EYS: variants seen among roughly 807,000 people sequenced by gnomAD.
The protein encoded by EYS is protein eyes shut homolog.
A neutral mutation model predicts 282.1 loss-of-function variants in EYS; 250 were observed. The ratio of observed to expected loss-of-function variants is 0.89; its 90% confidence interval spans 0.80 to 0.98. EYS has a LOEUF of 0.98. Ranked by LOEUF, EYS falls within the 50% of genes least tolerant of loss-of-function variation. EYS has a pLI of 0.00. For missense variants in EYS, 4,016 were observed against 3,709.0 expected (o/e 1.08, Z -2.15); for synonymous variants, 1,355 against 1,282.9 (o/e 1.06, Z -1.20).
At position 65,278,180 on chromosome 6, in the gene EYS, T is replaced by C. The variant is rs530559996; in HGVS notation, c.2023+17683A>G. 5.0e-4 allele frequency among the ~76,000 whole-genome samples: 75 copies of C among 149,278 alleles called. 2 individuals carry two copies. In the South Asian group the frequency reaches 0.015, roughly 29 times the overall value. On this transcript the variant is annotated intron_variant, in intron 12 of 42. Coordinates refer to ENST00000503581, the MANE Select transcript of EYS (RefSeq NM_001142800.2). ...TCAGGCCTTTGGACTGGGAGTGTTA[T>C]GGCATTGGCTCTTCTGGTGTAGACT...
chr6:65,602,224 C>CAA (rs1268294261), intron 2 of EYS, among the ~76,000 whole-genome samples: 3 of 151,752 alleles, frequency 2.0e-5, no homozygotes, highest in Non-Finnish European at 2.9e-5. Context: ...AAGATGTACA[C>CAA]AAAAGTATGT....
chr6:65,073,287 A>T (rs1393076223), intron 12 of EYS, among the ~76,000 whole-genome samples: 1 of 151,834 alleles, frequency 6.6e-6, no homozygotes, highest in Non-Finnish European at 1.5e-5. Flanking sequence ...AACTGTGAGA[A>T]AAATAGAAAA....
chr6:63,728,367 TA>T (rs1768695162), intron 41 of EYS, among the ~76,000 whole-genome samples: 1 of 152,216 alleles, frequency 6.6e-6, no homozygotes. Flanking sequence ...GATATTAGCA[TA>T]TTTTGCCTAT....
At chr6:65,236,394 G>A (rs62407258) in intron 12 of EYS, among the ~76,000 whole-genome samples, 36,320 of 151,988 alleles carry the variant, frequency 0.24, 4,512 homozygotes, top group Middle Eastern at 0.28. Context: ...GGTGGATCAC[G>A]AGGTCAGGAG....
chr6:65,410,285 A>G (rs751590956), intron 5 of EYS, among the ~76,000 whole-genome samples: 1 of 152,048 alleles, frequency 6.6e-6, no homozygotes, highest in Non-Finnish European at 1.5e-5. Flanking sequence ...GTAATGGTAC[A>G]TATTTATTGA....
At chr6:65,282,474 T>C (rs1013512494) in intron 12 of EYS, among the ~76,000 whole-genome samples, 1 of 151,982 alleles carries the variant, frequency 6.6e-6, no homozygotes, top group Non-Finnish European at 1.5e-5. Context: ...TAGTAATAGT[T>C]TTAAAAGTAA....
chr6:64,153,227 C>T (rs751975106), intron 31 of EYS, among the ~76,000 whole-genome samples: 1 of 151,828 alleles, frequency 6.6e-6, no homozygotes, highest in East Asian at 1.9e-4. Flanking sequence ...TGTGCATAGT[C>T]GCACATAAAC....
intron 31 of EYS, among the ~76,000 whole-genome samples, chr6:64,117,364 C>T (rs952001938): frequency 7.0e-6 from 1 of 142,678 alleles, no homozygotes; most frequent in African/African-American, 2.6e-5. Flanking sequence ...ATAACAAAGA[C>T]CAGAGCAGAA....
intron 5 of EYS, among the ~76,000 whole-genome samples, chr6:65,475,516 A>G (rs1469808941): frequency 6.6e-6 from 1 of 152,142 alleles, no homozygotes; most frequent in Non-Finnish European, 1.5e-5. Context: ...ATTTGAAAAT[A>G]ATTTTATATT....
intron 33 of EYS, among the ~76,000 whole-genome samples, chr6:64,016,475 G>C (rs1768895592): frequency 6.7e-6 from 1 of 148,286 alleles, no homozygotes. Context: ...TGGCTGCTGT[G>C]TCATACCTTT....
chr6:65,123,758 C>CCCCA lies in EYS; in HGVS notation c.2024-66032_2024-66031insTGGG, dbSNP rs1554157088. 1.2e-3 allele frequency among the ~76,000 whole-genome samples: 182 copies of CCCCA among 147,096 alleles called. 4 individuals carry two copies. Among genetic ancestry groups the CCCCA allele is most frequent in the African/African-American group, 4.1e-3 (164 of 40,128 alleles). On this transcript the variant is annotated intron_variant, in intron 12 of 42. Transcript: ENST00000503581. ...CAGCTGACTTATAACACCCACCCAC[C>CCCCA]CACACACACACACACACACACACAC...
At chr6:63,800,428 G>C (rs1770755370) in intron 37 of EYS, among the ~76,000 whole-genome samples, 1 of 152,204 alleles carries the variant, frequency 6.6e-6, no homozygotes, top group Admixed American at 6.5e-5. Flanking sequence ...AGTGGTTCTG[G>C]TTTGCAAGAT....
intron 29 of EYS, among the ~76,000 whole-genome samples, chr6:64,337,706 C>A (rs543090927): frequency 6.6e-6 from 1 of 151,796 alleles, no homozygotes; most frequent in Non-Finnish European, 1.5e-5. Flanking sequence ...ATATCCCTGA[C>A]GAATACAGAT....
intron 35 of EYS, among the ~76,000 whole-genome samples, chr6:63,935,465 A>T (rs1765031495): frequency 6.6e-6 from 1 of 152,224 alleles, no homozygotes; most frequent in African/African-American, 2.4e-5. Context: ...TACAGAGGTG[A>T]TTAAGTTAAA....
chr6:65,570,657 C>G (rs1017587344), intron 2 of EYS, among the ~76,000 whole-genome samples: 23 of 151,990 alleles, frequency 1.5e-4, no homozygotes, highest in African/African-American at 5.3e-4. Context: ...CAAAAAATAG[C>G]CAATAACTTT....
intron 22 of EYS, among the ~76,000 whole-genome samples, chr6:64,706,623 A>C (rs1005690945): frequency 6.6e-6 from 1 of 152,140 alleles, no homozygotes; most frequent in African/African-American, 2.4e-5. Flanking sequence ...AAGAAAAAAA[A>C]CAAACAATTC....
At chr6:65,195,782 T>A (rs1012898225) in intron 12 of EYS, among the ~76,000 whole-genome samples, 1 of 152,080 alleles carries the variant, frequency 6.6e-6, no homozygotes, top group Admixed American at 6.6e-5. Context: ...GGCATAGAGA[T>A]AAATTTGAAA....
intron 22 of EYS, among the ~76,000 whole-genome samples, chr6:64,735,860 G>A (rs1170523598): frequency 6.6e-6 from 1 of 151,874 alleles, no homozygotes; most frequent in Admixed American, 6.6e-5. Context: ...TGGAAATAAA[G>A]ACAAAATAAA....
At chr6:63,723,619 G>A (rs2149628040) in intron 42 of EYS, among the ~76,000 whole-genome samples, 1 of 152,030 alleles carries the variant, frequency 6.6e-6, no homozygotes, top group East Asian at 1.9e-4. Flanking sequence ...CTTCTGCGAA[G>A]AAAGGATTAT....
Sources: allele counts gnomAD v4.1 joint callset (sites outside exome capture counted in the v4.1 genomes callset), GRCh38; gene constraint gnomAD v4.1.1; transcripts MANE v1.5; gene names NCBI Gene and HGNC (gene_info 2026-07-23, HGNC 2026-07-21).